Variants in SEMA3A observed in about 807,000 individuals in gnomAD.
The protein encoded by SEMA3A is semaphorin-3A.
Under a neutral mutation model 97.9 loss-of-function variants are expected in SEMA3A, and 29 were observed. That is an observed-to-expected ratio of 0.30 (90% CI 0.22 to 0.40). The LOEUF (loss-of-function observed/expected upper bound fraction) is 0.40, where lower values mean the gene tolerates loss of function less well. SEMA3A is among the 10% of genes least tolerant of loss of function. SEMA3A has a pLI of 1.00. For missense variants in SEMA3A, 763 were observed against 951.3 expected (o/e 0.80, Z 2.60); for synonymous variants, 321 against 323.7 (o/e 0.99, Z 0.09).
chr7:84,470,288 T>C (rs867477691), intron 1 of SEMA3A, among the ~76,000 whole-genome samples: 24 of 152,108 alleles, frequency 1.6e-4, no homozygotes, highest in Admixed American at 2.6e-4. Context: ...CAAAACAATA[T>C]TCTTAACAAA....
chr7:84,350,490 A>G (rs1002675280), intron 2 of SEMA3A, among the ~76,000 whole-genome samples: 1 of 152,166 alleles, frequency 6.6e-6, no homozygotes, highest in Non-Finnish European at 1.5e-5. Flanking sequence ...TTTGACATGC[A>G]TTCTGTGGAA....
intron 12 of SEMA3A, among the ~76,000 whole-genome samples, chr7:83,988,371 C>G (rs543594393): frequency 6.6e-6 from 1 of 151,932 alleles, no homozygotes; most frequent in African/African-American, 2.4e-5. Flanking sequence ...GGACTACAGG[C>G]GCCCACCACC....
chr7:84,357,014 G>A (rs1210895098), intron 2 of SEMA3A, among the ~76,000 whole-genome samples: 2 of 151,676 alleles, frequency 1.3e-5, no homozygotes, highest in Non-Finnish European at 2.9e-5. Flanking sequence ...AGCAGCTATA[G>A]TATCAATATT....
intron 7 of SEMA3A, among the ~76,000 whole-genome samples, chr7:84,011,857 C>T (rs1562971430): frequency 6.6e-6 from 1 of 152,024 alleles, no homozygotes; most frequent in Non-Finnish European, 1.5e-5. Context: ...GTTTTGTACT[C>T]ATAAATTTAT....
At chr7:83,993,562 C>T (rs1270864026) in intron 12 of SEMA3A, among the ~76,000 whole-genome samples, 1 of 150,040 alleles carries the variant, frequency 6.7e-6, no homozygotes, top group Non-Finnish European at 1.5e-5. Flanking sequence ...TTTTATTTCT[C>T]CTTCGCTTAT....
intron 3 of SEMA3A, among the ~76,000 whole-genome samples, chr7:84,276,186 C>G (rs551175643): frequency 6.6e-6 from 1 of 152,072 alleles, no homozygotes; most frequent in African/African-American, 2.4e-5. Context: ...CTATACTGAA[C>G]CAGGCAAAAC....
chr7:84,040,285 A>G (rs4732536), intron 6 of SEMA3A, among the ~76,000 whole-genome samples: 44,645 of 148,840 alleles, frequency 0.3, 7,475 homozygotes, highest in East Asian at 0.61. Context: ...ATTGCTTCCC[A>G]TCATTCAGCT....
chr7:84,003,225 TAAG>T (rs1465663191), intron 11 of SEMA3A, among the ~76,000 whole-genome samples: 1 of 152,120 alleles, frequency 6.6e-6, no homozygotes, highest in Non-Finnish European at 1.5e-5. Flanking sequence ...AGTACACTTT[TAAG>T]AAGACCCTTC....
rs374049251 is a variant in SEMA3A, at chr7:84,227,624, C to T, written c.-82-32956G>A. ...TTTCCCAATAATTATGAGTAGGCAT[C>T]CTTACAGGCATTCTACTTCAAGGTA... On this transcript the variant is annotated intron_variant, in intron 3 of 3. Coordinates refer to the SEMA3A transcript ENST00000424555. Among the ~76,000 whole-genome samples the T allele has an allele frequency of 5.9e-5, 9 of 152,114 alleles. 1 individual carries two copies. Among genetic ancestry groups the T allele is most frequent in the Admixed American group, 1.3e-4 (2 of 15,266 alleles).
At position 84,424,934 on chromosome 7, in the gene SEMA3A, T is replaced by A. The variant is rs1317047663; in HGVS notation, c.-245-53034A>T. ...AAATATATATATATATTTATATTTA[T>A]ATAAATATATATTTATAATTATATA... On this transcript the variant is annotated intron_variant, in intron 1 of 3. Transcript: ENST00000424555. Among the ~76,000 whole-genome samples the A allele has an allele frequency of 4.1e-5, 4 of 98,368 alleles. No homozygotes were observed. The East Asian group carries it at 1.3e-3, about 33-fold the overall frequency. 64.5% of individuals were successfully genotyped at this position (98,368 alleles called of 152,430 possible).
intron 10 of SEMA3A, 96 bp from the exon 11 acceptor site, chr7:84,005,654 A>AAG: frequency 1.2e-6 from 1 of 852,356 alleles, no homozygotes; most frequent in Non-Finnish European, 1.8e-6. Context: ...TTCTACTTAA[A>AAG]ATAGTAGTGC....
intron 1 of SEMA3A, among the ~76,000 whole-genome samples, chr7:84,489,639 C>T (rs1260104013): frequency 1.3e-5 from 2 of 152,122 alleles, no homozygotes; most frequent in African/African-American, 2.4e-5. Context: ...CAAAATATGA[C>T]ACATCTAGGA....
At chr7:84,247,231 C>G (rs1799495042) in intron 3 of SEMA3A, among the ~76,000 whole-genome samples, 1 of 152,130 alleles carries the variant, frequency 6.6e-6, no homozygotes, top group Admixed American at 6.5e-5. Flanking sequence ...TATTTTTAAT[C>G]TCCAGTGGTT....
At chr7:84,324,051 A>C in intron 2 of SEMA3A, among the ~76,000 whole-genome samples, 1 of 152,210 alleles carries the variant, frequency 6.6e-6, no homozygotes, top group Non-Finnish European at 1.5e-5. Context: ...TAAATGGTAA[A>C]TCAACACAAT....
At chr7:84,491,812 G>A (rs1806741644) in intron 1 of SEMA3A, among the ~76,000 whole-genome samples, 2 of 152,128 alleles carry the variant, frequency 1.3e-5, no homozygotes, top group Admixed American at 1.3e-4. Flanking sequence ...TCAAAGTTGA[G>A]ATTTTGTACA....
In SEMA3A at chr7:83,981,352, C is replaced by A. The variant is rs1447102755; in HGVS notation, c.1621G>T (p.Ala541Ser). Reference protein sequence around the residue: ...RDPYCAWDGSACSRYFPTAKR... With the variant: ...RDPYCAWDGSSCSRYFPTAKR... ...GCAGTGGGAAAATAGCGAGAACATG[C>A]AGAACCATCCCAAGCACAGTAAGGG... Residue 541 changes from alanine (A) to serine (S), a missense_variant, in exon 14 of 17, where the codon GCA becomes TCA. Coordinates refer to ENST00000265362, the MANE Select transcript of SEMA3A (RefSeq NM_006080.3). 2 of 1,613,866 alleles carry A rather than the reference C, an allele frequency of 1.2e-6. No homozygotes were observed. The highest frequency in any genetic ancestry group is 1.7e-6 in the Non-Finnish European group (2 of 1,179,944).
chr7:83,985,274 A>G lies in SEMA3A; in HGVS notation c.1494+162T>C, dbSNP rs142245486. Among the ~76,000 whole-genome samples the G allele has an allele frequency of 8.5e-3, 1,293 of 152,280 alleles. 17 individuals carry two copies. The highest frequency in any genetic ancestry group is 0.03 in the African/African-American group (1,229 of 41,576). On this transcript the variant is annotated intron_variant, in intron 13 of 16. Coordinates refer to ENST00000265362, the MANE Select transcript of SEMA3A (RefSeq NM_006080.3). ...CATGAGGGCAATGAAAACTATCTTC[A>G]GTTTCTAATCTACTAGCTTATTGTA...
chr7:84,143,953 A>T (rs902632348), intron 1 of SEMA3A, among the ~76,000 whole-genome samples: 16 of 69,904 alleles, frequency 2.3e-4, no homozygotes, highest in African/African-American at 9.3e-4. Context: ...TCTCTCTAAC[A>T]CACACACACA....
intron 9 of SEMA3A, among the ~76,000 whole-genome samples, chr7:84,007,981 TA>T (rs1790733330): frequency 6.6e-6 from 1 of 152,192 alleles, no homozygotes; most frequent in Non-Finnish European, 1.5e-5. Context: ...ATATTATTTT[TA>T]AATTCCCAAA....
Sources: allele counts gnomAD v4.1 joint callset (sites outside exome capture counted in the v4.1 genomes callset), GRCh38; gene constraint gnomAD v4.1.1; transcripts MANE v1.5; gene names NCBI Gene and HGNC (gene_info 2026-07-23, HGNC 2026-07-21).